The following ERP44 variants were observed in gnomAD, a reference collection of about 807,000 sequenced individuals.
ERP44 encodes endoplasmic reticulum protein 44.
A neutral mutation model predicts 53.4 loss-of-function variants in ERP44; 25 were observed. The ratio of observed to expected loss-of-function variants is 0.47; its 90% CI spans 0.34 to 0.65. ERP44 has a LOEUF of 0.65. Ranked by LOEUF, ERP44 falls within the 30% of genes least tolerant of loss-of-function variation. ERP44 has a pLI of 0.01. For synonymous variants in ERP44, 145 were observed against 161.2 expected, an observed-to-expected ratio of 0.90 and a Z score of 0.76; for missense variants, 338 against 493.2, an observed-to-expected ratio of 0.69 and a Z score of 2.98.
Position 99,980,302 on chromosome 9 carries a change from T to C in ERP44, c.*2310A>G. ...ATTCAGCTTTACATCTTTCATCATA[T>C]ACTACAGCACCAAAAAACTTGCACT... On this transcript the variant is annotated 3_prime_UTR_variant, in exon 12 of 12. Transcript: ENST00000262455. 5.6e-6 allele frequency: 2 copies of C among 359,400 alleles called. No homozygotes were observed. Among genetic ancestry groups the C allele is most frequent in the Non-Finnish European group, 9.9e-6 (2 of 201,616 alleles). 22.3% of individuals were successfully genotyped at this position (359,400 alleles called of 1,614,324 possible).
At chr9:100,009,914 C>A (rs1242325327) in intron 8 of ERP44, among the ~76,000 whole-genome samples, 1 of 151,150 alleles carries the variant, frequency 6.6e-6, no homozygotes, top group Non-Finnish European at 1.5e-5. Context: ...ATCTCTCATT[C>A]CACTCCATCC....
At chr9:100,074,378 G>A (rs1259310886) in intron 1 of ERP44, among the ~76,000 whole-genome samples, 1 of 152,164 alleles carries the variant, frequency 6.6e-6, no homozygotes, top group African/African-American at 2.4e-5. Flanking sequence ...CTCATGTAGA[G>A]CTCTAGCATT....
At chr9:100,077,802 A>G (rs1270422225) in intron 1 of ERP44, among the ~76,000 whole-genome samples, 1 of 152,250 alleles carries the variant, frequency 6.6e-6, no homozygotes, top group Admixed American at 6.5e-5. Flanking sequence ...ACTCCATAAC[A>G]GAGGTAAGGA....
At chr9:100,078,044 C>G (rs978279710) in intron 1 of ERP44, among the ~76,000 whole-genome samples, 4 of 152,218 alleles carry the variant, frequency 2.6e-5, no homozygotes, top group African/African-American at 9.6e-5. Context: ...TAGAACAAGG[C>G]AGTCATCAAT....
intron 4 of ERP44, among the ~76,000 whole-genome samples, chr9:100,030,359 C>T (rs1016842313): frequency 2.0e-5 from 3 of 152,114 alleles, no homozygotes; most frequent in Non-Finnish European, 4.4e-5. Context: ...CAGACTGCAG[C>T]ACCAAATGGC....
chr9:99,998,284 C>A, intron 10 of ERP44: 1 of 385,786 alleles, frequency 2.6e-6, no homozygotes, highest in South Asian at 3.0e-5. Context: ...CCACGGAGGG[C>A]TGGTGCACGC....
At position 99,979,594 on chromosome 9, in the gene ERP44, A is replaced by T. The variant is rs1032829811; in HGVS notation, c.*3018T>A. The T allele has an allele frequency of 9.9e-6, 2 of 201,896 alleles. No homozygotes were observed. The highest frequency in any genetic ancestry group is 4.6e-5 in the African/African-American group (2 of 43,566). 12.5% of individuals were successfully genotyped at this position (201,896 alleles called of 1,614,324 possible). A position where few individuals can be genotyped will look rare whatever the true frequency, so the allele number is the denominator to read the frequency against. The stretch of plus-strand genomic sequence containing the variant: ...TGTAGAATGTCATCTAAAAGTTTCC[A>T]TCCTTTTATGGTCCCCCTCACAATT... On this transcript the variant is annotated 3_prime_UTR_variant, in exon 12 of 12. Coordinates refer to ENST00000262455, the MANE Select transcript of ERP44 (RefSeq NM_015051.3).
intron 1 of ERP44, among the ~76,000 whole-genome samples, chr9:100,093,684 A>G (rs989649216): frequency 3.3e-5 from 5 of 152,138 alleles, no homozygotes; most frequent in Admixed American, 3.3e-4. Context: ...CTGTGTCTAT[A>G]TAGTCTAGAA....
intron 7 of ERP44, 109 bp from the exon 8 acceptor site, chr9:100,016,547 GC>G: frequency 7.2e-7 from 1 of 1,389,498 alleles, no homozygotes; most frequent in Middle Eastern, 2.7e-4. Context: ...TGTCACCCAG[GC>G]TGGAGTACAG....
Position 100,010,272 on chromosome 9 carries a change from A to G in ERP44, c.763-2583T>C, listed in dbSNP as rs575993745. 1.4e-3 allele frequency among the ~76,000 whole-genome samples: 218 copies of G among 152,360 alleles called. 9 individuals are homozygous for G. In the South Asian group the frequency reaches 0.043, roughly 30 times the overall value. On this transcript the variant is annotated intron_variant, in intron 8 of 11. Coordinates refer to ENST00000262455, the MANE Select transcript of ERP44 (RefSeq NM_015051.3). Reference sequence around the variant, plus strand: ...AGGAGAAGAATATCAAGACAACCAGATTTACAGGAAACAGATCCTTCCCCA... The same window carrying G: ...AGGAGAAGAATATCAAGACAACCAGGTTTACAGGAAACAGATCCTTCCCCA...
intron 4 of ERP44, among the ~76,000 whole-genome samples, chr9:100,030,573 C>T (rs1339133871): frequency 2.6e-5 from 4 of 152,126 alleles, no homozygotes; most frequent in Non-Finnish European, 5.9e-5. Flanking sequence ...TTAGAGGCCC[C>T]ACTCAGTAAA....
intron 4 of ERP44, among the ~76,000 whole-genome samples, chr9:100,043,729 TGGGAGACAGAGCAAGAC>T (rs1291959336): frequency 6.6e-6 from 1 of 151,766 alleles, no homozygotes; most frequent in African/African-American, 2.4e-5. Context: ...TACTCCAGCC[TGGGAGACAGAGCAAGAC>T]TCTGTCTCAA....
At chr9:100,093,283 G>C (rs753091518) in intron 1 of ERP44, among the ~76,000 whole-genome samples, 1 of 152,196 alleles carries the variant, frequency 6.6e-6, no homozygotes, top group Non-Finnish European at 1.5e-5. Flanking sequence ...ACATATGGCT[G>C]TATATTCCAG....
At chr9:99,994,568 G>A (rs1429683982) in intron 10 of ERP44, among the ~76,000 whole-genome samples, 1 of 152,048 alleles carries the variant, frequency 6.6e-6, no homozygotes, top group Non-Finnish European at 1.5e-5. Flanking sequence ...GAGTTAATGG[G>A]TGCAGCAAAC....
intron 3 of ERP44, among the ~76,000 whole-genome samples, chr9:100,053,625 T>C (rs145767375): frequency 6.6e-6 from 1 of 152,298 alleles, no homozygotes; most frequent in East Asian, 1.9e-4. Flanking sequence ...TGTAACACAA[T>C]AGCAGGTATC....
At chr9:100,080,786 G>T (rs1464130179) in intron 1 of ERP44, among the ~76,000 whole-genome samples, 1 of 152,132 alleles carries the variant, frequency 6.6e-6, no homozygotes, top group Non-Finnish European at 1.5e-5. Flanking sequence ...ACTGTAAAGA[G>T]CTATGGAGTT....
chr9:100,089,234 T>A (rs1271769116), intron 1 of ERP44, among the ~76,000 whole-genome samples: 1 of 152,118 alleles, frequency 6.6e-6, no homozygotes, highest in East Asian at 1.9e-4. Flanking sequence ...AACCCATACT[T>A]TACTTAATAA....
At chr9:100,041,646 G>A (rs192726513) in intron 4 of ERP44, among the ~76,000 whole-genome samples, 60 of 152,142 alleles carry the variant, frequency 3.9e-4, no homozygotes, top group African/African-American at 1.3e-3. Context: ...CCAGCCCCGC[G>A]ACAGAGCAAG....
intron 10 of ERP44, 140 bp downstream of exon 10, chr9:100,006,366 C>T (rs1026327980): frequency 1.6e-6 from 1 of 614,242 alleles, no homozygotes; most frequent in Admixed American, 3.3e-5. Context: ...AAAAAAGCAG[C>T]AGTCACCCAA....
Sources: allele counts gnomAD v4.1 joint callset (sites outside exome capture counted in the v4.1 genomes callset), GRCh38; gene constraint gnomAD v4.1.1; transcripts MANE v1.5; gene names NCBI Gene and HGNC (gene_info 2026-07-23, HGNC 2026-07-21).